ISCU: variants seen among roughly 807,000 people sequenced by gnomAD.
ISCU encodes iron-sulfur cluster assembly enzyme.
In ISCU, 13 loss-of-function variants were observed where a neutral mutation model predicts 18.4. That is an observed-to-expected ratio of 0.71 (90% CI 0.46 to 1.12). The LOEUF is 1.12. ISCU is among the 50% of genes most tolerant of loss of function. The pLI is 0.00. For missense variants in ISCU, 229 were observed against 208.7 expected, an observed-to-expected ratio of 1.10 and a Z score of -0.60; for synonymous variants, 104 against 87.5, an observed-to-expected ratio of 1.19 and a Z score of -1.06.
upstream of ISCU, among the ~76,000 whole-genome samples, chr12:108,562,412 G>A (rs2030618123): frequency 6.6e-6 from 1 of 152,266 alleles, no homozygotes; most frequent in Non-Finnish European, 1.5e-5. Context: ...AAGCCCTCCA[G>A]CGACTTCAGA....
intron 3 of ISCU, among the ~76,000 whole-genome samples, chr12:108,565,692 C>A (rs2030865246): frequency 6.6e-6 from 1 of 152,020 alleles, no homozygotes; most frequent in Admixed American, 6.6e-5. Flanking sequence ...TAAAAGAAAT[C>A]TTTGGCTTTC....
At chr12:108,567,396 C>T in intron 4 of ISCU, 128 bp downstream of exon 4, 1 of 823,824 alleles carries the variant, frequency 1.2e-6, no homozygotes, top group Non-Finnish European at 2.1e-6. Flanking sequence ...ATGAGTCTGT[C>T]CTTATAACCT....
chr12:108,563,894 T>TTTAA, intron 1 of ISCU: 1 of 641,640 alleles, frequency 1.6e-6, no homozygotes, highest in Non-Finnish European at 2.8e-6. Context: ...ATGGTTATTT[T>TTTAA]TAGAATTTTT....
At chr12:108,564,788 G>A (rs1157903269) in intron 2 of ISCU, among the ~76,000 whole-genome samples, 2 of 152,240 alleles carry the variant, frequency 1.3e-5, no homozygotes, top group Admixed American at 6.5e-5. Flanking sequence ...GGGGAAACAT[G>A]AAAATAGTGT....
chr12:108,568,807 CTTCT>C lies in ISCU; in HGVS notation c.419-20_419-17del. The C allele has an allele frequency of 6.2e-7, 1 of 1,606,140 alleles. No homozygotes were observed. The highest frequency in any genetic ancestry group is 1.1e-5 in the South Asian group (1 of 89,146). Reference sequence around the variant, plus strand: ...TTTCTTTCACATCTAGAAACTTAGGCTTCTTTCCTTCCGTTACTTCCAGTGCTGG... The same window carrying C: ...TTTCTTTCACATCTAGAAACTTAGGCTTCCTTCCGTTACTTCCAGTGCTGG... On this transcript the variant is annotated intron_variant, in intron 4 of 4. Transcript: ENST00000311893.
At chr12:108,567,112 G>A in intron 3 of ISCU, 78 bp from the exon 4 acceptor site, 1 of 1,072,212 alleles carries the variant, frequency 9.3e-7, no homozygotes, top group Non-Finnish European at 1.4e-6. Context: ...GAGCCTCTTT[G>A]GCCTCCCTTT....
intron 3 of ISCU, among the ~76,000 whole-genome samples, chr12:108,565,755 G>A (rs1325918108): frequency 6.6e-6 from 1 of 152,158 alleles, no homozygotes; most frequent in Non-Finnish European, 1.5e-5. Flanking sequence ...TTGTTATAAG[G>A]TAGTTATTTT....
upstream of ISCU, among the ~76,000 whole-genome samples, chr12:108,561,907 A>G (rs1468138076): frequency 6.6e-6 from 1 of 152,122 alleles, no homozygotes; most frequent in Non-Finnish European, 1.5e-5. Context: ...TTGAGGTAGG[A>G]AAGTATTGGT....
At chr12:108,567,869 G>C (rs764163018) in intron 4 of ISCU, 2 of 1,445,138 alleles carry the variant, frequency 1.4e-6, no homozygotes, top group Non-Finnish European at 1.9e-6. Context: ...TTTCCAGTTT[G>C]GTCTCTGTAT....
Position 108,565,323 on chromosome 12 carries a change from T to C in ISCU, c.231T>C (p.Ile77=), listed in dbSNP as rs1221812330. 6 of 1,612,204 alleles carry C rather than the reference T, an allele frequency of 3.7e-6. No homozygotes were observed. Among genetic ancestry groups the C allele is most frequent in the Non-Finnish European group, 5.1e-6 (6 of 1,178,282 alleles). ...CTTAACTCTTGTCTCTTTTCTAGAT[T>C]CAAGTGGATGAAAAGGGGAAGATTG... The part of the protein sequence containing the change: ...PACGDVMKLQ[I]QVDEKGKIVD... The change falls in exon 3 of 5, where the codon ATT becomes ATC. Residue 77 remains isoleucine, a splice_region_variant and synonymous_variant. Transcript: ENST00000311893.
At chr12:108,562,984 C>T (rs1367024842) in intron 1 of ISCU, 1 of 353,062 alleles carries the variant, frequency 2.8e-6, no homozygotes. Flanking sequence ...TTTAAATTCG[C>T]CAACAGCCCA....
rs1262974364 is a variant in ISCU, at chr12:108,564,409, T to G, written c.228+17T>G. The G allele has an allele frequency of 6.6e-7, 1 of 1,504,290 alleles. No individual in the cohort carries two copies. Among genetic ancestry groups the G allele is most frequent in the Admixed American group, 1.7e-5 (1 of 59,876 alleles). The allele number at this position is 1,504,290 out of a possible 1,614,324, so 93.2% of individuals were successfully genotyped here. A position where few individuals can be genotyped will look rare whatever the true frequency, so the allele number is the denominator to read the frequency against. On this transcript the variant is annotated intron_variant, in intron 2 of 4. Coordinates refer to ENST00000311893, the MANE Select transcript of ISCU (RefSeq NM_213595.4). ...AAATTACAGGTATGGCTAGTCTTTT[T>G]TAATAGTGATAACAATAATCCCTTT... is the stretch of plus-strand genomic sequence containing the variant.
rs1316195377 is a variant in ISCU at position 108,563,546 on chromosome 12, T to A, written c.115-733T>A. ...GGGACTGGAAGATCGGCGTGCTTAC[T>A]ACTAACCAGTAACCAAACCTCAAGG... On this transcript the variant is annotated intron_variant, in intron 1 of 4. Transcript: ENST00000311893. 1.1e-4 allele frequency: 20 copies of A among 186,796 alleles called. 1 individual carries two copies. In the South Asian group the frequency reaches 1.6e-3, roughly 15 times the overall value. 11.6% of individuals were successfully genotyped at this position (186,796 alleles called of 1,614,324 possible).
At chr12:108,562,476 A>C, upstream of ISCU, 1 of 463,728 alleles carries the variant, frequency 2.2e-6, no homozygotes, top group Non-Finnish European at 3.7e-6. Context: ...AGGCGGGGCC[A>C]GAAGGCGGAC....
In ISCU at chr12:108,567,249, C is replaced by G. The variant is rs1024951229; in HGVS notation, c.399C>G (p.Pro133=). Residue 133 remains proline, a synonymous_variant, in exon 4 of 5, where the codon CCC becomes CCG. Transcript: ENST00000311893. ...TCGCCAAGGAGCTCTGCCTTCCTCC[C>G]GTGAAACTGCACTGCTCCAGTAAGT... ...TDIAKELCLP[P]VKLHCSMLAE... The G allele has an allele frequency of 2.5e-6, 4 of 1,613,576 alleles. No homozygotes were observed. In the East Asian group the frequency reaches 6.7e-5, roughly 27 times the overall value.
chr12:108,566,782 C>A (rs1161110093), intron 3 of ISCU, among the ~76,000 whole-genome samples: 1 of 152,256 alleles, frequency 6.6e-6, no homozygotes, highest in Non-Finnish European at 1.5e-5. Context: ...TTCGGCACTT[C>A]TAGTCAAAAG....
At chr12:108,568,351 A>G (rs2030997205) in intron 4 of ISCU, 2 of 1,090,566 alleles carry the variant, frequency 1.8e-6, no homozygotes, top group Non-Finnish European at 2.2e-6. Flanking sequence ...CTAGAGGGTG[A>G]TGTGGCAAAT....
Position 108,564,386 on chromosome 12 carries a change from A to AT in ISCU, c.224dup (p.Leu75PhefsTer7). On this transcript the variant is annotated frameshift_variant, in exon 2 of 5. Coordinates refer to ENST00000311893, the MANE Select transcript of ISCU (RefSeq NM_213595.4). LOFTEE classifies it high-confidence loss of function. ...CTCCAGCATGTGGTGACGTAATGAAATTACAGGTATGGCTAGTCTTTTTTA... is the reference window on the plus strand; with the variant it reads ...CTCCAGCATGTGGTGACGTAATGAAATTTACAGGTATGGCTAGTCTTTTTTA... The AT allele has an allele frequency of 6.2e-7, 1 of 1,603,020 alleles. No homozygotes were observed. Among genetic ancestry groups the AT allele is most frequent in the South Asian group, 1.1e-5 (1 of 90,888 alleles).
rs1317236837 is a variant in ISCU, at chr12:108,564,134, G to A, written c.115-145G>A. 4 of 1,612,760 alleles carry A rather than the reference G, an allele frequency of 2.5e-6. No homozygotes were observed. In the Admixed American group the frequency reaches 5.0e-5, roughly 20 times the overall value. On this transcript the variant is annotated intron_variant, in intron 1 of 4. Coordinates refer to ENST00000311893, the MANE Select transcript of ISCU (RefSeq NM_213595.4). ...GGTCACAAATGGTTCTCATTGACAT[G>A]AGTGTAGACCTTTCTACTCAGGTGA...
Sources: gnomAD v4.1 joint callset for allele counts (sites outside exome capture counted in the v4.1 genomes callset) on GRCh38, gnomAD v4.1.1 for gene constraint, MANE v1.5 for transcripts, NCBI Gene and HGNC (gene_info 2026-07-23, HGNC 2026-07-21) for gene names.